TPX2: variants seen among roughly 807,000 people sequenced by gnomAD.
The protein encoded by TPX2 is TPX2 microtubule nucleation factor, also known as targeting protein for Xklp2.
Under a neutral mutation model 93.6 loss-of-function variants are expected in TPX2, and 21 were observed. That is an observed-to-expected ratio of 0.22 (90% CI 0.16 to 0.32). The LOEUF is 0.32. TPX2 is among the 10% of genes least tolerant of loss of function. The probability of loss-of-function intolerance (pLI) is 1.00; values close to 1 mark genes in which losing one functional copy is unlikely to be tolerated. For missense variants in TPX2, 776 were observed against 871.1 expected (o/e 0.89, Z 1.37); for synonymous variants, 281 against 298.3 (o/e 0.94, Z 0.60).
Position 31,782,336 on chromosome 20 carries a change from T to G in TPX2, c.1142T>G (p.Val381Gly), listed in dbSNP as rs774451087. 1.9e-6 allele frequency: 3 copies of G among 1,613,590 alleles called. No individual in the cohort carries two copies. The African/African-American group carries it at 4.0e-5, about 22-fold the overall frequency. ...CAAACCAAACACCGTGCACGGGCTG[T>G]GACCTGCAAAAGTACAGCAGAGCTG... ...VLQTKHRARA[V>G]TCKSTAELEA... The change falls in exon 11 of 18, where the codon GTG becomes GGG. Residue 381 changes from valine (V) to glycine (G), a missense_variant. Physicochemically the swap from Val to Gly is moderately radical, Grantham distance 109 (BLOSUM62 -3). Coordinates refer to ENST00000300403, the MANE Select transcript of TPX2 (RefSeq NM_012112.5).
At chr20:31,800,044 C>A (rs527643886) in intron 17 of TPX2, among the ~76,000 whole-genome samples, 1 of 152,030 alleles carries the variant, frequency 6.6e-6, no homozygotes, top group South Asian at 2.1e-4. Flanking sequence ...CCCAGGAGTT[C>A]AAGAAAAGCG....
rs2062007897 is a variant in TPX2 at position 31,777,479 on chromosome 20, T to C, written c.731-8T>C. ...TTGTCTGTATGTTTTACTGTGTTCA[T>C]CTCTCAGGGCAACCTGTGAAGAAAT... is the stretch of plus-strand genomic sequence containing the variant. On this transcript the variant is annotated splice_region_variant and splice_polypyrimidine_tract_variant and intron_variant, in intron 8 of 17. Coordinates refer to ENST00000300403, the MANE Select transcript of TPX2 (RefSeq NM_012112.5). 6.2e-7 allele frequency: 1 copy of C among 1,613,212 alleles called. No homozygotes were observed. The highest frequency in any genetic ancestry group is 8.5e-7 in the Non-Finnish European group (1 of 1,179,582).
rs574411189 is a variant in TPX2, at chr20:31,773,221, G to A, written c.608+1539G>A. On this transcript the variant is annotated intron_variant, in intron 7 of 17. Coordinates refer to ENST00000300403, the MANE Select transcript of TPX2 (RefSeq NM_012112.5). ...GGCTGGAATGCAGTGGCACGATTTC[G>A]GCTCACTGCAACCTCTGCCTCCCAC... is the stretch of plus-strand genomic sequence containing the variant. 8.9e-5 allele frequency among the ~76,000 whole-genome samples: 13 copies of A among 146,802 alleles called. No homozygotes were observed. In the East Asian group the frequency reaches 2.6e-3, roughly 29 times the overall value.
Position 31,766,455 on chromosome 20 carries a change from G to GTGTGTGTGTGTGTGTGTGTGTA in TPX2, c.230-80_230-79insATGTGTGTGTGTGTGTGTGTGT, listed in dbSNP as rs1491108913. On this transcript the variant is annotated intron_variant, in intron 4 of 17. Coordinates refer to ENST00000300403, the MANE Select transcript of TPX2 (RefSeq NM_012112.5). ...CTAAGGTTTCTGTGGCTTAGACAGG[G>GTGTGTGTGTGTGTGTGTGTGTA]TGTGTGTGTGTGTGTGTGTGTGTGT... 5.0e-5 allele frequency: 9 copies of GTGTGTGTGTGTGTGTGTGTGTA among 179,506 alleles called. No individual in the cohort carries two copies. The African/African-American group carries it at 7.5e-4, about 15-fold the overall frequency. The allele number at this position is 179,506 out of a possible 1,614,324, so 11.1% of individuals were successfully genotyped here.
chr20:31,744,159 C>CTTTT (rs11465034), intron 2 of TPX2, among the ~76,000 whole-genome samples: 19 of 112,242 alleles, frequency 1.7e-4, no homozygotes, highest in African/African-American at 3.3e-4. Flanking sequence ...ATTTTTTTAA[C>CTTTT]TTTTTTTTTT....
intron 12 of TPX2, among the ~76,000 whole-genome samples, chr20:31,785,914 ATAT>A (rs1396608404): frequency 6.6e-6 from 1 of 152,190 alleles, no homozygotes; most frequent in Non-Finnish European, 1.5e-5. Context: ...TTACATACCA[ATAT>A]TATTATTTTA....
At chr20:31,777,759 G>T (rs538568714) in intron 9 of TPX2, 121 bp downstream of exon 9, 11 of 1,044,348 alleles carry the variant, frequency 1.1e-5, no homozygotes, top group Admixed American at 9.2e-5. Context: ...TGTCTATAAA[G>T]TTGTGTAAAA....
chr20:31,782,257 C>T lies in TPX2; in HGVS notation c.1063C>T (p.Pro355Ser), dbSNP rs753268261. The change falls in exon 11 of 18, where the codon CCC (proline) becomes TCC (serine). Residue 355 changes from proline to serine, a missense_variant. Transcript: ENST00000300403. The part of the protein sequence containing the change: ...RSKKDDINLL[P>S]SKSSVTKICR... ...GTCATCTCTGTTTACAGACCTGTTA[C>T]CCTCCAAATCTTCTGTGACCAAGAT... 3 of 1,610,474 alleles carry T rather than the reference C, an allele frequency of 1.9e-6. No individual in the cohort carries two copies. In the Admixed American group the frequency reaches 5.1e-5, roughly 27 times the overall value.
intron 5 of TPX2, among the ~76,000 whole-genome samples, chr20:31,768,525 G>A (rs904703160): frequency 2.0e-5 from 3 of 151,862 alleles, no homozygotes; most frequent in Non-Finnish European, 4.4e-5. Flanking sequence ...GATTACAGGC[G>A]TGAGCCACTG....
intron 5 of TPX2, among the ~76,000 whole-genome samples, chr20:31,767,636 C>A (rs2061936351): frequency 6.6e-6 from 1 of 152,042 alleles, no homozygotes; most frequent in Non-Finnish European, 1.5e-5. Flanking sequence ...ACTGTAGCCA[C>A]AACCTCCTGG....
At chr20:31,774,109 T>C (rs1230683574) in intron 7 of TPX2, among the ~76,000 whole-genome samples, 2 of 152,218 alleles carry the variant, frequency 1.3e-5, no homozygotes, top group Non-Finnish European at 2.9e-5. Context: ...TGACAGGTGA[T>C]CCACCTGCCT....
chr20:31,775,666 A>G (rs2061991682), intron 7 of TPX2, among the ~76,000 whole-genome samples: 1 of 152,158 alleles, frequency 6.6e-6, no homozygotes, highest in East Asian at 1.9e-4. Flanking sequence ...ATGAGCCACC[A>G]TGCCTGGCCA....
intron 10 of TPX2, chr20:31,780,967 T>G (rs1261944957): frequency 4.9e-6 from 2 of 407,558 alleles, no homozygotes; most frequent in Non-Finnish European, 9.6e-6. Context: ...TCACCCAGGC[T>G]GGAGTGCAGT....
intron 2 of TPX2, among the ~76,000 whole-genome samples, chr20:31,750,152 G>A (rs912007696): frequency 6.7e-6 from 1 of 149,700 alleles, no homozygotes; most frequent in Admixed American, 6.7e-5. Context: ...GGCCAGGATG[G>A]TCTCGATTTC....
chr20:31,775,913 A>C lies in TPX2; in HGVS notation c.655A>C (p.Met219Leu), dbSNP rs1338128301. 1 of 1,607,362 alleles carries C rather than the reference A, an allele frequency of 6.2e-7. No homozygotes were observed. The highest frequency in any genetic ancestry group is 1.1e-5 in the South Asian group (1 of 90,214). Residue 219 changes from methionine to leucine, a missense_variant, in exon 8 of 18, where the codon ATG (methionine) becomes CTG (leucine). By Grantham distance (15) the Met-to-Leu change is conservative. Transcript: ENST00000300403. ...STEEQELEKS[M>L]KMQQEVVEMR... Reference sequence around the variant, plus strand: ...TGAGGAGCAAGAGCTGGAGAAGAGTATGAAAATGCAGCAAGAGGTGGTGGA... The same window carrying C: ...TGAGGAGCAAGAGCTGGAGAAGAGTCTGAAAATGCAGCAAGAGGTGGTGGA...
At chr20:31,791,962 T>C (rs1378373641) in intron 12 of TPX2, among the ~76,000 whole-genome samples, 1 of 152,234 alleles carries the variant, frequency 6.6e-6, no homozygotes, top group Non-Finnish European at 1.5e-5. Context: ...GTGGAACAAC[T>C]CTCTAAAATG....
chr20:31,798,914 C>T (rs1452520795), intron 17 of TPX2, among the ~76,000 whole-genome samples: 1 of 152,344 alleles, frequency 6.6e-6, no homozygotes, highest in East Asian at 1.9e-4. Context: ...AGGAGGACAA[C>T]ATGTGGTATA....
At chr20:31,792,564 C>T (rs1273147884) in intron 12 of TPX2, among the ~76,000 whole-genome samples, 171 bp from the exon 13 acceptor site, 2 of 152,118 alleles carry the variant, frequency 1.3e-5, no homozygotes, top group Admixed American at 1.3e-4. Flanking sequence ...GTAATCCCAG[C>T]ACTTTGCGAG....
At chr20:31,746,292 A>G (rs944487145) in intron 2 of TPX2, among the ~76,000 whole-genome samples, 1 of 152,234 alleles carries the variant, frequency 6.6e-6, no homozygotes, top group Admixed American at 6.5e-5. Context: ...ATGCTGGATT[A>G]TGTTGCCATT....
Sources: allele counts gnomAD v4.1 joint callset (sites outside exome capture counted in the v4.1 genomes callset), GRCh38; gene constraint gnomAD v4.1.1; transcripts MANE v1.5; gene names NCBI Gene and HGNC (gene_info 2026-07-23, HGNC 2026-07-21).